Variants in IFT43 observed in about 807,000 individuals in gnomAD.
IFT43 encodes intraflagellar transport 43, also known as intraflagellar transport protein 43 homolog.
A neutral mutation model predicts 32.3 loss-of-function variants in IFT43; 33 were observed. The ratio of observed to expected loss-of-function variants is 1.02; its 90% CI spans 0.77 to 1.37. The LOEUF (loss-of-function observed/expected upper bound fraction) is 1.37, where lower values mean the gene tolerates loss of function less well. Ranked by LOEUF, IFT43 falls within the 40% of genes most tolerant of loss-of-function variation. IFT43 has a pLI of 0.00. For synonymous variants in IFT43, 93 were observed against 98.2 expected, an observed-to-expected ratio of 0.95 and a Z score of 0.31; for missense variants, 274 against 265.9, an observed-to-expected ratio of 1.03 and a Z score of -0.21.
chr14:76,060,510 C>T (rs559187307), intron 5 of IFT43, among the ~76,000 whole-genome samples: 1 of 150,700 alleles, frequency 6.6e-6, no homozygotes, highest in African/African-American at 2.4e-5. Context: ...TGAGCCACCG[C>T]GCCCGGCCCC....
chr14:76,052,047 C>G (rs142394356), intron 3 of IFT43, among the ~76,000 whole-genome samples: 1 of 152,166 alleles, frequency 6.6e-6, no homozygotes, highest in East Asian at 1.9e-4. Flanking sequence ...TTGGCACTTT[C>G]GTCTATTTTA....
At chr14:75,987,195 G>A (rs1014206669) in intron 1 of IFT43, among the ~76,000 whole-genome samples, 2 of 152,140 alleles carry the variant, frequency 1.3e-5, no homozygotes, top group African/African-American at 2.4e-5. Flanking sequence ...TAGCACAACC[G>A]CCATATGTAG....
At chr14:76,078,156 T>C (rs1181401405) in intron 5 of IFT43, among the ~76,000 whole-genome samples, 1 of 152,268 alleles carries the variant, frequency 6.6e-6, no homozygotes, top group East Asian at 1.9e-4. Context: ...TGCTGTGTTA[T>C]TTGCGAATTC....
intron 2 of IFT43, among the ~76,000 whole-genome samples, chr14:76,008,800 C>T (rs1229715317): frequency 2.0e-5 from 3 of 152,292 alleles, no homozygotes; most frequent in African/African-American, 7.2e-5. Context: ...TGAATGCAGC[C>T]TAACACAGCT....
chr14:76,082,258 G>T lies in IFT43; in HGVS notation c.296-37G>T, dbSNP rs746268865. 1.3e-5 allele frequency: 21 copies of T among 1,595,936 alleles called. No homozygotes were observed. In the South Asian group the frequency reaches 1.7e-4, roughly 13 times the overall value. On this transcript the variant is annotated intron_variant, in intron 5 of 8. Transcript: ENST00000314067. ...GGAGAAGCAGGCACAATCCCTATGA[G>T]TTCTGCAGACAGTGTTGCCTCTGCC...
At chr14:76,053,224 A>G (rs2036948562) in intron 3 of IFT43, among the ~76,000 whole-genome samples, 2 of 152,192 alleles carry the variant, frequency 1.3e-5, no homozygotes, top group African/African-American at 4.8e-5. Context: ...TAACAAACTC[A>G]GTAAATGTTG....
intron 5 of IFT43, among the ~76,000 whole-genome samples, chr14:76,081,607 G>A (rs1350454085): frequency 3.9e-5 from 6 of 152,238 alleles, no homozygotes; most frequent in South Asian, 4.1e-4. Context: ...GGAAGAAATG[G>A]CCTCGTGTCT....
chr14:76,080,114 C>T (rs2037482764), intron 5 of IFT43, among the ~76,000 whole-genome samples: 1 of 152,214 alleles, frequency 6.6e-6, no homozygotes, highest in Non-Finnish European at 1.5e-5. Context: ...AGTTGGATGG[C>T]CTGCCTCTGC....
intron 2 of IFT43, among the ~76,000 whole-genome samples, chr14:76,020,580 C>T (rs2036271481): frequency 6.6e-6 from 1 of 151,756 alleles, no homozygotes; most frequent in South Asian, 2.1e-4. Flanking sequence ...GGCTTTGATT[C>T]TGGGTGGGTG....
At chr14:76,031,918 G>A (rs1027840435) in intron 3 of IFT43, among the ~76,000 whole-genome samples, 35 of 152,048 alleles carry the variant, frequency 2.3e-4, no homozygotes, top group African/African-American at 5.6e-4. Flanking sequence ...TATCGTCTAC[G>A]CAGTGATGAC....
At chr14:75,999,267 ATATATGTATATATAT>A (rs1215357049) in intron 2 of IFT43, among the ~76,000 whole-genome samples, 9 of 24,490 alleles carry the variant, frequency 3.7e-4, no homozygotes, top group African/African-American at 1.3e-3. Context: ...ATATATATAT[ATATATGTATATATAT>A]TTTTTTTTTT....
At chr14:75,985,908 C>T in intron 1 of IFT43, 68 bp downstream of exon 1, 1 of 1,587,860 alleles carries the variant, frequency 6.3e-7, no homozygotes, top group Non-Finnish European at 8.6e-7. Flanking sequence ...CCCGCCGGCC[C>T]CGACTTCTCT....
At chr14:76,001,529 G>A (rs2035885519) in intron 2 of IFT43, among the ~76,000 whole-genome samples, 1 of 152,176 alleles carries the variant, frequency 6.6e-6, no homozygotes, top group Admixed American at 6.5e-5. Flanking sequence ...GCTGAGGGAA[G>A]GCAGAGCATG....
intron 2 of IFT43, among the ~76,000 whole-genome samples, chr14:76,015,436 A>G (rs1594817961): frequency 6.6e-6 from 1 of 152,184 alleles, no homozygotes; most frequent in African/African-American, 2.4e-5. Context: ...CATGTTGCTC[A>G]GGGGATTTCT....
chr14:76,028,978 C>A (rs374318728), intron 3 of IFT43, among the ~76,000 whole-genome samples: 15 of 152,140 alleles, frequency 9.9e-5, no homozygotes, highest in African/African-American at 3.4e-4. Context: ...TATGTATATA[C>A]CACCCAGTGA....
chr14:75,999,843 C>G (rs1162977525), intron 2 of IFT43, among the ~76,000 whole-genome samples: 1 of 152,170 alleles, frequency 6.6e-6, no homozygotes, highest in Non-Finnish European at 1.5e-5. Context: ...CCTGGCATTC[C>G]AAGTGGAGAA....
intron 3 of IFT43, among the ~76,000 whole-genome samples, chr14:76,046,448 G>T (rs750247790): frequency 2.0e-5 from 3 of 152,062 alleles, no homozygotes; most frequent in Non-Finnish European, 1.5e-5. Context: ...GAAGTGGTGG[G>T]TCCCCAGAAG....
chr14:75,999,250 T>TTC (rs1566699300), intron 2 of IFT43, among the ~76,000 whole-genome samples: 85 of 7,856 alleles, frequency 0.011, no homozygotes, highest in East Asian at 0.013. Context: ...TATATATATA[T>TTC]ATATATATAT....
At chr14:76,074,795 C>G (rs1226846785) in intron 5 of IFT43, among the ~76,000 whole-genome samples, 1 of 152,196 alleles carries the variant, frequency 6.6e-6, no homozygotes, top group Admixed American at 6.5e-5. Context: ...AAACCCCCTT[C>G]TTTGCTGAAG....
Sources: allele counts gnomAD v4.1 joint callset (sites outside exome capture counted in the v4.1 genomes callset), GRCh38; gene constraint gnomAD v4.1.1; transcripts MANE v1.5; gene names NCBI Gene and HGNC (gene_info 2026-07-23, HGNC 2026-07-21).